The following MRPS10 variants were observed in gnomAD, a reference collection of about 807,000 sequenced individuals.
MRPS10 encodes mitochondrial ribosomal protein S10.
A neutral mutation model predicts 27.5 loss-of-function variants in MRPS10; 23 were observed. The observed-to-expected ratio is 0.84, with a 90% CI of 0.60 to 1.18. MRPS10 has a LOEUF of 1.18. MRPS10 is among the 50% of genes most tolerant of loss of function. The pLI, the probability that MRPS10 is intolerant of heterozygous loss-of-function variation, is 0.00. For missense variants in MRPS10, 237 were observed against 240.1 expected, an observed-to-expected ratio of 0.99 and a Z score of 0.09; for synonymous variants, 88 against 84.2, an observed-to-expected ratio of 1.04 and a Z score of -0.25.
chr6:42,217,351 G>A (rs1254475223), intron 1 of MRPS10, among the ~76,000 whole-genome samples: 2 of 152,180 alleles, frequency 1.3e-5, no homozygotes, highest in Admixed American at 6.5e-5. Context: ...CTGCGCAGAG[G>A]ATATCTAACC....
Position 42,214,766 on chromosome 6 carries a change from A to C in MRPS10, c.49-422T>G, listed in dbSNP as rs186204881. Among the ~76,000 whole-genome samples the C allele has an allele frequency of 6.6e-5, 10 of 152,364 alleles. No homozygotes were observed. In the East Asian group the frequency reaches 1.9e-3, roughly 29 times the overall value. ...TTATAATTTGTTAAGAGTTGGAATA[A>C]AAATTCTGAAGTATCCCTCTTTTGA... On this transcript the variant is annotated intron_variant, in intron 1 of 6. Transcript: ENST00000053468.
rs372215500 is a variant in MRPS10 at position 42,208,855 on chromosome 6, T to C, written c.522+3A>G. The C allele has an allele frequency of 6.3e-7, 1 of 1,591,830 alleles. No homozygotes were observed. Among genetic ancestry groups the C allele is most frequent in the Non-Finnish European group, 8.6e-7 (1 of 1,161,172 alleles). ...CCGAAAGAGGCAGAAATTCAAGCTATACCTTTGTTACTTCCATGGCAACCC... is the reference window on the plus strand; with the variant it reads ...CCGAAAGAGGCAGAAATTCAAGCTACACCTTTGTTACTTCCATGGCAACCC... On this transcript the variant is annotated splice_donor_region_variant and intron_variant, in intron 6 of 6. Coordinates refer to ENST00000053468, the MANE Select transcript of MRPS10 (RefSeq NM_018141.4).
chr6:42,208,168 G>T lies in MRPS10; in HGVS notation c.*121C>A. The T allele has an allele frequency of 1.3e-6, 1 of 750,688 alleles. No individual in the cohort carries two copies. Among genetic ancestry groups the T allele is most frequent in the Admixed American group, 2.4e-5 (1 of 41,668 alleles). The allele number at this position is 750,688 out of a possible 1,614,324, so 46.5% of individuals were successfully genotyped here. A position where few individuals can be genotyped will look rare whatever the true frequency, so the allele number is the denominator to read the frequency against. ...CTGCCCTCAGCTGATGAGGGCACGA[G>T]AACTCAATGGAGCAGTTAGGGCAGA... On this transcript the variant is annotated 3_prime_UTR_variant, in exon 7 of 7. Coordinates refer to ENST00000053468, the MANE Select transcript of MRPS10 (RefSeq NM_018141.4).
chr6:42,208,938 G>A lies in MRPS10; in HGVS notation c.442C>T (p.Leu148=), dbSNP rs1442125512. The change falls in exon 6 of 7, where the codon CTA becomes TTA. Residue 148 remains leucine, a synonymous_variant. Coordinates refer to ENST00000053468, the MANE Select transcript of MRPS10 (RefSeq NM_018141.4). ...TAGACATCTGCTGTGCTTCCAGTTA[G>A]ATGTTCTAACTAAAACATCAAACAT... ...TLYRCLELEH[L]TGSTADVYLE... The A allele has an allele frequency of 6.2e-7, 1 of 1,605,336 alleles. No individual in the cohort carries two copies. The highest frequency in any genetic ancestry group is 1.7e-5 in the Admixed American group (1 of 59,506).
intron 5 of MRPS10, among the ~76,000 whole-genome samples, chr6:42,209,236 G>C (rs1439212101): frequency 6.6e-6 from 1 of 151,870 alleles, no homozygotes; most frequent in Non-Finnish European, 1.5e-5. Flanking sequence ...GACCTCAAGT[G>C]ATCCGCCTGC....
chr6:42,217,570 G>C (rs1415030097), intron 1 of MRPS10, among the ~76,000 whole-genome samples: 1 of 152,146 alleles, frequency 6.6e-6, no homozygotes, highest in African/African-American at 2.4e-5. Context: ...TTCCAGCTCT[G>C]ACATTCTACG....
intron 3 of MRPS10, 41 bp downstream of exon 3, chr6:42,214,078 TG>T: frequency 6.7e-7 from 1 of 1,488,716 alleles, no homozygotes; most frequent in Non-Finnish European, 9.2e-7. Context: ...GAAAACCTAT[TG>T]CCAAGGTAGC....
Position 42,209,001 on chromosome 6 carries a change from T to TG in MRPS10, c.433-55_433-54insC, listed in dbSNP as rs1278808171. ...TGTAAGCTGTTTGTTAAAGCACGGT[T>TG]TTTTGTTTTTTTTTTTGAGATGGAG... On this transcript the variant is annotated intron_variant, in intron 5 of 6. Transcript: ENST00000053468. The TG allele has an allele frequency of 1.2e-5, 14 of 1,157,446 alleles. No individual in the cohort carries two copies. In the African/African-American group the frequency reaches 2.7e-4, roughly 23 times the overall value. 71.7% of individuals were successfully genotyped at this position (1,157,446 alleles called of 1,614,324 possible). A position where few individuals can be genotyped will look rare whatever the true frequency, so the allele number is the denominator to read the frequency against.
intron 6 of MRPS10, among the ~76,000 whole-genome samples, 185 bp downstream of exon 6, chr6:42,208,673 A>G (rs950175818): frequency 2.0e-5 from 3 of 152,258 alleles, no homozygotes; most frequent in Middle Eastern, 3.4e-3. Context: ...TTGGGCTGAA[A>G]TGGCAGGATT....
intron 3 of MRPS10, among the ~76,000 whole-genome samples, chr6:42,213,601 G>A (rs377357710): frequency 4.5e-4 from 69 of 152,194 alleles, no homozygotes; most frequent in African/African-American, 1.6e-3. Context: ...TTTGAGGGGT[G>A]GAAATGAAAG....
intron 3 of MRPS10, among the ~76,000 whole-genome samples, chr6:42,213,138 T>G (rs1318432104): frequency 6.6e-6 from 1 of 152,228 alleles, no homozygotes; most frequent in South Asian, 2.1e-4. Flanking sequence ...GGGGCTTAAA[T>G]GTACTATCAT....
intron 4 of MRPS10, among the ~76,000 whole-genome samples, chr6:42,210,901 A>C (rs565786122): frequency 1.9e-4 from 29 of 152,362 alleles, no homozygotes; most frequent in African/African-American, 7.0e-4. Context: ...CAAATATATT[A>C]ATTGTGAAGA....
At chr6:42,214,029 T>C (rs1013930660) in intron 3 of MRPS10, 91 bp downstream of exon 3, 8 of 1,087,732 alleles carry the variant, frequency 7.4e-6, no homozygotes, top group Non-Finnish European at 9.3e-6. Context: ...TTTTTATTCA[T>C]AGAGTGTTTG....
chr6:42,212,848 T>C (rs947138482), intron 3 of MRPS10, among the ~76,000 whole-genome samples: 1 of 152,232 alleles, frequency 6.6e-6, no homozygotes, highest in Non-Finnish European at 1.5e-5. Flanking sequence ...AGGGGGAATA[T>C]AGCCTCAAGA....
chr6:42,213,945 C>T (rs1191055610), intron 3 of MRPS10, among the ~76,000 whole-genome samples, 175 bp downstream of exon 3: 1 of 151,766 alleles, frequency 6.6e-6, no homozygotes, highest in Non-Finnish European at 1.5e-5. Context: ...ACTTTGATAC[C>T]CTGAAGACAA....
intron 1 of MRPS10, among the ~76,000 whole-genome samples, chr6:42,215,656 G>A (rs149562497): frequency 7.1e-4 from 108 of 152,084 alleles, no homozygotes; most frequent in Middle Eastern, 3.4e-3. Context: ...TGAACTCGTG[G>A]GCTCAAGCGA....
In MRPS10 at chr6:42,207,050, T is replaced by A. The variant is rs1331634248; in HGVS notation, c.*1239A>T. The stretch of plus-strand genomic sequence containing the variant: ...ATGAAGCACTTCTCTGGGGTTGCTA[T>A]ACCAACTGTTTCAGCCCATTGTAGT... On this transcript the variant is annotated 3_prime_UTR_variant, in exon 7 of 7. Transcript: ENST00000053468. 1 of 152,176 alleles carries A rather than the reference T, an allele frequency of 6.6e-6. No homozygotes were observed. The highest frequency in any genetic ancestry group is 6.5e-5 in the Admixed American group (1 of 15,284). The allele number at this position is 152,176 out of a possible 1,614,324, so 9.4% of individuals were successfully genotyped here.
At chr6:42,216,385 A>AGAGAGAGAGAGAGTGTGTGTGT in intron 1 of MRPS10, among the ~76,000 whole-genome samples, 8 of 58,634 alleles carry the variant, frequency 1.4e-4, no homozygotes, top group Non-Finnish European at 2.4e-4. Context: ...AGAGAGAGAG[A>AGAGAGAGAGAGAGTGTGTGTGT]GTGTGTGTGT....
chr6:42,216,884 T>C (rs1361029238), intron 1 of MRPS10, among the ~76,000 whole-genome samples: 1 of 152,184 alleles, frequency 6.6e-6, no homozygotes, highest in Non-Finnish European at 1.5e-5. Flanking sequence ...TGAGACACTT[T>C]CAGGGGATCC....
Sources: gnomAD v4.1 joint callset for allele counts (sites outside exome capture counted in the v4.1 genomes callset) on GRCh38, gnomAD v4.1.1 for gene constraint, MANE v1.5 for transcripts, NCBI Gene and HGNC (gene_info 2026-07-23, HGNC 2026-07-21) for gene names.